CLEC16A: variants seen among roughly 807,000 people sequenced by gnomAD.
CLEC16A encodes C-type lectin domain containing 16A, also known as protein CLEC16A.
CLEC16A carries 51 observed loss-of-function variants against 109.5 expected under a neutral mutation model. The observed-to-expected ratio is 0.47, with a 90% CI of 0.37 to 0.59. The LOEUF is 0.59. CLEC16A is among the 20% of genes least tolerant of loss of function. CLEC16A has a pLI of 0.00. For missense variants in CLEC16A, 1,339 were observed against 1,394.0 expected (o/e 0.96, Z 0.63); for synonymous variants, 673 against 564.2 (o/e 1.19, Z -2.73).
chr16:11,014,861 C>T (rs1402615042), intron 11 of CLEC16A, among the ~76,000 whole-genome samples: 1 of 152,170 alleles, frequency 6.6e-6, no homozygotes, highest in Non-Finnish European at 1.5e-5. Flanking sequence ...CAGAACCGTG[C>T]CAACTTCAGG....
chr16:11,146,124 C>A (rs2054046176), intron 22 of CLEC16A, among the ~76,000 whole-genome samples: 2 of 152,200 alleles, frequency 1.3e-5, no homozygotes, highest in Non-Finnish European at 2.9e-5. Context: ...TCAGATCATT[C>A]TTCAGACCTC....
chr16:10,988,995 A>G (rs1596914098), intron 10 of CLEC16A, among the ~76,000 whole-genome samples: 1 of 152,148 alleles, frequency 6.6e-6, no homozygotes, highest in African/African-American at 2.4e-5. Flanking sequence ...GAATGTGGAA[A>G]CAGACACCAT....
chr16:11,105,110 CAG>C (rs2051140008), intron 19 of CLEC16A, among the ~76,000 whole-genome samples: 2 of 152,166 alleles, frequency 1.3e-5, no homozygotes, highest in Admixed American at 1.3e-4. Flanking sequence ...TCATGCTAAA[CAG>C]GGCCATTTTC....
chr16:10,981,917 G>C (rs1371211619), intron 9 of CLEC16A, among the ~76,000 whole-genome samples: 3 of 152,238 alleles, frequency 2.0e-5, no homozygotes, highest in African/African-American at 4.8e-5. Context: ...CTGACATCTA[G>C]TGGGTGGAGG....
At chr16:11,155,865 T>C (rs2054492996) in intron 22 of CLEC16A, among the ~76,000 whole-genome samples, 1 of 152,160 alleles carries the variant, frequency 6.6e-6, no homozygotes, top group African/African-American at 2.4e-5. Context: ...CTGCCTTGGG[T>C]GCATACTAAG....
intron 3 of CLEC16A, 104 bp from the exon 4 acceptor site, chr16:10,969,057 A>G (rs913923117): frequency 1.1e-6 from 1 of 923,598 alleles, no homozygotes; most frequent in African/African-American, 1.7e-5. Flanking sequence ...CCAGCAACCC[A>G]GAGGCTTACC....
chr16:11,016,734 G>A (rs1192757000), intron 11 of CLEC16A, among the ~76,000 whole-genome samples: 2 of 152,056 alleles, frequency 1.3e-5, no homozygotes, highest in Non-Finnish European at 1.5e-5. Flanking sequence ...CCAAAATTTA[G>A]CCTTATTCTA....
intron 11 of CLEC16A, among the ~76,000 whole-genome samples, chr16:11,013,777 A>G (rs2045579372): frequency 6.6e-6 from 1 of 151,946 alleles, no homozygotes; most frequent in African/African-American, 2.4e-5. Context: ...ATAAATAAAT[A>G]AAAATACAAA....
chr16:11,004,564 G>C (rs1021617403), intron 11 of CLEC16A, among the ~76,000 whole-genome samples: 1 of 152,190 alleles, frequency 6.6e-6, no homozygotes, highest in African/African-American at 2.4e-5. Context: ...GAGCTTCCCA[G>C]TCCAGGGCAT....
rs35498388 is a variant in CLEC16A at position 10,971,008 on chromosome 16, A to ATTTTTTTTTT, written c.493-109_493-100dup. The ATTTTTTTTTT allele has an allele frequency of 5.9e-5, 30 of 506,950 alleles. 5 individuals are homozygous for ATTTTTTTTTT. Among genetic ancestry groups the ATTTTTTTTTT allele is most frequent in the Middle Eastern group, 3.7e-4 (1 of 2,710 alleles). 31.4% of individuals were successfully genotyped at this position (506,950 alleles called of 1,614,324 possible). A position where few individuals can be genotyped will look rare whatever the true frequency, so the allele number is the denominator to read the frequency against. On this transcript the variant is annotated intron_variant, in intron 4 of 23. Transcript: ENST00000409790. ...CTGACTTACGGTTCACATTGGCAAC[A>ATTTTTTTTTT]TTTTTTTTTTTTTTTTTGTCTTTTT...
At chr16:10,947,530 G>A (rs1014271030) in intron 1 of CLEC16A, among the ~76,000 whole-genome samples, 1 of 152,224 alleles carries the variant, frequency 6.6e-6, no homozygotes, top group Non-Finnish European at 1.5e-5. Context: ...AGGGGCGGGA[G>A]GCGGAGCACT....
At chr16:11,108,890 C>T (rs1384077354) in intron 19 of CLEC16A, among the ~76,000 whole-genome samples, 1 of 151,990 alleles carries the variant, frequency 6.6e-6, no homozygotes, top group Admixed American at 6.5e-5. Flanking sequence ...GCGGGCGGAT[C>T]ACGAGGTCAG....
At chr16:11,171,014 C>T (rs2068488803) in intron 23 of CLEC16A, among the ~76,000 whole-genome samples, 1 of 152,044 alleles carries the variant, frequency 6.6e-6, no homozygotes, top group African/African-American at 2.4e-5. Context: ...ACCAGGGTCC[C>T]AAACCACATC....
At chr16:11,163,809 C>T (rs896769461) in intron 22 of CLEC16A, among the ~76,000 whole-genome samples, 2 of 152,218 alleles carry the variant, frequency 1.3e-5, no homozygotes, top group African/African-American at 4.8e-5. Flanking sequence ...GTAATCCCAA[C>T]TCTGTTACTA....
At chr16:11,055,570 T>A (rs1412401404) in intron 18 of CLEC16A, among the ~76,000 whole-genome samples, 1 of 134,466 alleles carries the variant, frequency 7.4e-6, no homozygotes, top group Non-Finnish European at 1.6e-5. Context: ...CCGTTTTCCC[T>A]CTTGCTTTTT....
At chr16:10,952,728 G>A (rs914764453) in intron 1 of CLEC16A, among the ~76,000 whole-genome samples, 2 of 152,186 alleles carry the variant, frequency 1.3e-5, no homozygotes, top group African/African-American at 4.8e-5. Flanking sequence ...CAAGGTGAAG[G>A]TGTAACCCTC....
At chr16:11,062,542 C>T (rs77107923) in intron 19 of CLEC16A, among the ~76,000 whole-genome samples, 179 of 152,246 alleles carry the variant, frequency 1.2e-3, no homozygotes, top group Non-Finnish European at 2.3e-3. Context: ...AGCATAGTGC[C>T]TACCGTGTAA....
rs980241568 is a variant in CLEC16A at position 11,039,949 on chromosome 16, C to T, written c.1660+73C>T. ...AAGCAGACCCCACTGGGAGCCTGAG[C>T]CCTGGGTGCTAGGCCTGAGCCTTCT... On this transcript the variant is annotated intron_variant, in intron 14 of 23. Transcript: ENST00000409790. The T allele has an allele frequency of 9.1e-6, 14 of 1,543,356 alleles. No individual in the cohort carries two copies. In the African/African-American group the frequency reaches 1.2e-4, roughly 14 times the overall value.
intron 11 of CLEC16A, among the ~76,000 whole-genome samples, chr16:11,004,177 C>G (rs1208269141): frequency 2.0e-5 from 3 of 152,262 alleles, no homozygotes; most frequent in African/African-American, 2.4e-5. Context: ...TCACCTCCCT[C>G]TCGTTGAGAT....
Sources: allele counts gnomAD v4.1 joint callset (sites outside exome capture counted in the v4.1 genomes callset), GRCh38; gene constraint gnomAD v4.1.1; transcripts MANE v1.5; gene names NCBI Gene and HGNC (gene_info 2026-07-23, HGNC 2026-07-21).